The following SYT16 variants were observed in gnomAD, a reference collection of about 807,000 sequenced individuals.
SYT16 encodes synaptotagmin-16.
A neutral mutation model predicts 61.4 loss-of-function variants in SYT16; 42 were observed. That is an observed-to-expected ratio of 0.68 (90% CI 0.53 to 0.89). The LOEUF is 0.89. Ranked by LOEUF, SYT16 falls within the 40% of genes least tolerant of loss-of-function variation. The pLI is 0.00. For missense variants in SYT16, 804 were observed against 807.3 expected (o/e 1.00, Z 0.05); for synonymous variants, 314 against 302.3 (o/e 1.04, Z -0.40).
intron 1 of SYT16, among the ~76,000 whole-genome samples, chr14:61,906,116 C>A (rs1015465905): frequency 2.0e-5 from 3 of 152,130 alleles, no homozygotes; most frequent in Non-Finnish European, 4.4e-5. Context: ...TAGTGCTTCC[C>A]TAACTAACAA....
intron 1 of SYT16, among the ~76,000 whole-genome samples, chr14:61,956,593 T>C (rs765646025): frequency 2.6e-5 from 4 of 152,068 alleles, no homozygotes; most frequent in Admixed American, 1.3e-4. Context: ...GACACCCTTG[T>C]CAAAGATCAG....
At chr14:61,977,750 T>C (rs2051880392) in intron 2 of SYT16, among the ~76,000 whole-genome samples, 2 of 152,154 alleles carry the variant, frequency 1.3e-5, no homozygotes, top group Admixed American at 1.3e-4. Context: ...TTCATAGCTT[T>C]GAAGTAAACA....
intron 2 of SYT16, among the ~76,000 whole-genome samples, chr14:61,988,506 G>A (rs1002999883): frequency 6.6e-6 from 1 of 152,140 alleles, no homozygotes; most frequent in East Asian, 1.9e-4. Flanking sequence ...TACTTACAAT[G>A]TGCTGTTGCT....
intron 1 of SYT16, among the ~76,000 whole-genome samples, chr14:61,924,991 A>G (rs531853398): frequency 3.3e-4 from 50 of 152,332 alleles, no homozygotes; most frequent in African/African-American, 1.2e-3. Flanking sequence ...AAAGTTGCCT[A>G]TAAAACGTAC....
intron 1 of SYT16, among the ~76,000 whole-genome samples, chr14:61,826,346 G>C (rs2045771994): frequency 6.6e-6 from 1 of 152,096 alleles, no homozygotes; most frequent in South Asian, 2.1e-4. Context: ...ACTCCACACA[G>C]ACAGTGGCTC....
At chr14:61,856,047 G>A (rs1490693373) in intron 1 of SYT16, among the ~76,000 whole-genome samples, 1 of 152,236 alleles carries the variant, frequency 6.6e-6, no homozygotes, top group Non-Finnish European at 1.5e-5. Flanking sequence ...AGGGATGGCG[G>A]GGGGTCAGTC....
At chr14:61,829,858 G>C (rs567047792) in intron 1 of SYT16, among the ~76,000 whole-genome samples, 1 of 152,104 alleles carries the variant, frequency 6.6e-6, no homozygotes, top group South Asian at 2.1e-4. Flanking sequence ...GTTTCACCGT[G>C]TTAGCCAGGA....
At chr14:61,961,356 T>G (rs946760576) in intron 1 of SYT16, among the ~76,000 whole-genome samples, 32 of 152,100 alleles carry the variant, frequency 2.1e-4, no homozygotes, top group Admixed American at 5.9e-4. Context: ...GAGAAACTAT[T>G]TGCAAACTAT....
At chr14:61,897,578 T>C (rs539311524) in intron 1 of SYT16, among the ~76,000 whole-genome samples, 1 of 152,246 alleles carries the variant, frequency 6.6e-6, no homozygotes, top group African/African-American at 2.4e-5. Context: ...AGAATGGCTT[T>C]TATGAAGCCA....
intron 3 of SYT16, among the ~76,000 whole-genome samples, chr14:62,017,916 A>G (rs907523367): frequency 2.6e-5 from 4 of 152,018 alleles, no homozygotes; most frequent in African/African-American, 9.7e-5. Flanking sequence ...GTGTCTCACT[A>G]TGTTGCCCAG....
chr14:61,861,998 A>C (rs1438856347), intron 1 of SYT16, among the ~76,000 whole-genome samples: 1 of 152,224 alleles, frequency 6.6e-6, no homozygotes, highest in Non-Finnish European at 1.5e-5. Context: ...TGCTTGATGT[A>C]GGGTTGCTAC....
Position 62,099,897 on chromosome 14 carries a change from G to C in SYT16, c.1625-497G>C, listed in dbSNP as rs112762237. 1.5e-3 allele frequency among the ~76,000 whole-genome samples: 230 copies of C among 151,528 alleles called. 1 individual carries two copies. Among genetic ancestry groups the C allele is most frequent in the Non-Finnish European group, 3.8e-4 (26 of 67,844 alleles). On this transcript the variant is annotated intron_variant, in intron 7 of 7. Transcript: ENST00000683842. Reference sequence around the variant, plus strand: ...TGTGTGTCTGTCTGTCTGTCTGTCTGTCTCTCTCTCACTCACACACACATG... The same window carrying C: ...TGTGTGTCTGTCTGTCTGTCTGTCTCTCTCTCTCTCACTCACACACACATG...
At chr14:61,984,562 AGTAAATTT>A (rs1163989195) in intron 2 of SYT16, among the ~76,000 whole-genome samples, 1 of 152,136 alleles carries the variant, frequency 6.6e-6, no homozygotes, top group Non-Finnish European at 1.5e-5. Context: ...GGGTGATGGT[AGTAAATTT>A]TAGTTGAATA....
intron 7 of SYT16, among the ~76,000 whole-genome samples, chr14:62,089,303 A>G (rs1422280743): frequency 7.1e-6 from 1 of 140,402 alleles, no homozygotes; most frequent in Non-Finnish European, 1.5e-5. Context: ...TGGGCCACAG[A>G]GTGAGATTCC....
intron 5 of SYT16, among the ~76,000 whole-genome samples, chr14:62,078,172 A>ATATATAAAC (rs2056576554): frequency 2.7e-4 from 35 of 128,846 alleles, no homozygotes; most frequent in Non-Finnish European, 4.4e-4. Flanking sequence ...TATATATATA[A>ATATATAAAC]ACACACACAC....
chr14:62,085,907 C>G (rs914248389), intron 7 of SYT16, among the ~76,000 whole-genome samples: 1 of 152,202 alleles, frequency 6.6e-6, no homozygotes, highest in Non-Finnish European at 1.5e-5. Flanking sequence ...GGATTTACTA[C>G]TTTGCCTTCT....
At position 61,855,854 on chromosome 14, in the gene SYT16, A is replaced by C. The variant is rs527912532; in HGVS notation, c.-325+43044A>C. ...CCAACAGACCCATGAAAGAGGGTCC[A>C]GTCCTTTTGTAATAAACCTGAATGG... is the stretch of plus-strand genomic sequence containing the variant. On this transcript the variant is annotated intron_variant, in intron 1 of 7. Transcript: ENST00000683842. Among the ~76,000 whole-genome samples, 80 of 152,396 alleles carry C rather than the reference A, an allele frequency of 5.2e-4. 3 individuals carry two copies. The South Asian group carries it at 0.016, about 31-fold the overall frequency.
At chr14:61,919,194 A>G (rs1226795745) in intron 1 of SYT16, among the ~76,000 whole-genome samples, 3 of 152,198 alleles carry the variant, frequency 2.0e-5, no homozygotes, top group Non-Finnish European at 4.4e-5. Context: ...GAGCAGGTAA[A>G]CAGTAGCCAC....
chr14:62,043,759 T>C (rs1350467030), intron 3 of SYT16, among the ~76,000 whole-genome samples: 1 of 152,140 alleles, frequency 6.6e-6, no homozygotes, highest in East Asian at 1.9e-4. Context: ...GATGATTATA[T>C]GTTTTTCATC....
Sources: gnomAD v4.1 joint callset for allele counts (sites outside exome capture counted in the v4.1 genomes callset) on GRCh38, gnomAD v4.1.1 for gene constraint, MANE v1.5 for transcripts, NCBI Gene and HGNC (gene_info 2026-07-23, HGNC 2026-07-21) for gene names.